HHAT: variants seen among roughly 807,000 people sequenced by gnomAD.
The protein encoded by HHAT is hedgehog acyltransferase, also known as protein-cysteine N-palmitoyltransferase HHAT.
HHAT carries 47 observed loss-of-function variants against 70.8 expected under a neutral mutation model. The ratio of observed to expected loss-of-function variants is 0.66; its 90% confidence interval spans 0.53 to 0.85. The LOEUF (loss-of-function observed/expected upper bound fraction) is 0.85. Among genes scored for constraint, HHAT ranks in the 40% least tolerant of loss-of-function variants. The pLI is 0.00. For synonymous variants in HHAT, 228 were observed against 247.6 expected, an observed-to-expected ratio of 0.92 and a Z score of 0.74; for missense variants, 609 against 604.8, an observed-to-expected ratio of 1.01 and a Z score of -0.07.
chr1:210,458,031 G>A (rs890121180), intron 7 of HHAT, among the ~76,000 whole-genome samples: 2 of 152,280 alleles, frequency 1.3e-5, no homozygotes, highest in East Asian at 1.9e-4. Flanking sequence ...TACTAGAATT[G>A]AAATCATATA....
chr1:210,509,897 C>T (rs2094925688), intron 8 of HHAT, among the ~76,000 whole-genome samples: 1 of 152,148 alleles, frequency 6.6e-6, no homozygotes, highest in Non-Finnish European at 1.5e-5. Context: ...TGCTCTTTGT[C>T]CCACCTCTGG....
intron 8 of HHAT, among the ~76,000 whole-genome samples, chr1:210,508,074 C>T (rs2094891994): frequency 6.6e-6 from 1 of 151,444 alleles, no homozygotes; most frequent in African/African-American, 2.4e-5. Flanking sequence ...TGGCATGCAC[C>T]TGTAATCTCA....
chr1:210,528,158 C>CGA (rs1033132341), intron 9 of HHAT, among the ~76,000 whole-genome samples: 8 of 152,008 alleles, frequency 5.3e-5, no homozygotes, highest in African/African-American at 7.2e-5. Flanking sequence ...CCAGTAATGC[C>CGA]GAGAGAGAGA....
intron 2 of HHAT, among the ~76,000 whole-genome samples, chr1:210,360,442 C>T (rs2088165712): frequency 6.6e-6 from 1 of 152,024 alleles, no homozygotes; most frequent in Non-Finnish European, 1.5e-5. Flanking sequence ...TCCCGAGTAG[C>T]TGGGATTACA....
chr1:210,471,797 G>C (rs1056362494), intron 8 of HHAT, among the ~76,000 whole-genome samples: 1 of 152,222 alleles, frequency 6.6e-6, no homozygotes, highest in Non-Finnish European at 1.5e-5. Flanking sequence ...TTCTGAAAAA[G>C]TAACTGTTTT....
intron 2 of HHAT, among the ~76,000 whole-genome samples, chr1:210,352,911 A>T (rs2087185192): frequency 6.6e-6 from 1 of 151,704 alleles, no homozygotes; most frequent in Non-Finnish European, 1.5e-5. Flanking sequence ...TAGTAGACAT[A>T]AAACTTTTTG....
intron 11 of HHAT, among the ~76,000 whole-genome samples, chr1:210,639,723 G>A (rs1207681765): frequency 6.6e-6 from 1 of 152,162 alleles, no homozygotes; most frequent in Admixed American, 6.5e-5. Flanking sequence ...TGATTTCAAG[G>A]TTGACCTGGT....
At chr1:210,391,881 C>G (rs4844524) in intron 4 of HHAT, among the ~76,000 whole-genome samples, 59,602 of 151,636 alleles carry the variant, frequency 0.39, 12,120 homozygotes, top group Non-Finnish European at 0.44. Context: ...TTTTTTTCCC[C>G]CCTTTACAGA....
chr1:210,419,694 C>CATT (rs1326582039), intron 7 of HHAT, among the ~76,000 whole-genome samples: 7 of 152,180 alleles, frequency 4.6e-5, no homozygotes, highest in Non-Finnish European at 1.0e-4. Context: ...AAGGACGAAA[C>CATT]CTTTAAGATT....
intron 8 of HHAT, among the ~76,000 whole-genome samples, chr1:210,469,879 G>A (rs983609947): frequency 1.3e-5 from 2 of 152,004 alleles, no homozygotes; most frequent in Non-Finnish European, 2.9e-5. Context: ...GAATGTGCAG[G>A]TTTGTTATAT....
chr1:210,397,436 G>C (rs2091850069), intron 4 of HHAT, among the ~76,000 whole-genome samples: 1 of 151,944 alleles, frequency 6.6e-6, no homozygotes, highest in Admixed American at 6.6e-5. Context: ...TTGACGTACA[G>C]TATGTGTGTG....
intron 10 of HHAT, among the ~76,000 whole-genome samples, chr1:210,606,062 T>A (rs1665350406): frequency 6.6e-6 from 1 of 152,140 alleles, no homozygotes; most frequent in Non-Finnish European, 1.5e-5. Flanking sequence ...TTCACTATGT[T>A]GGCCAGGCTG....
chr1:210,368,816 G>A (rs940166697), intron 3 of HHAT, among the ~76,000 whole-genome samples: 3 of 150,478 alleles, frequency 2.0e-5, no homozygotes, highest in Non-Finnish European at 4.4e-5. Context: ...AGTGGCTCAC[G>A]CCTGTAATCC....
intron 3 of HHAT, 89 bp downstream of exon 3, chr1:210,363,008 C>CA: frequency 1.8e-6 from 2 of 1,097,976 alleles, no homozygotes; most frequent in Non-Finnish European, 2.8e-6. Flanking sequence ...ATCCAGGTAT[C>CA]AGATTCAGCA....
At chr1:210,541,093 G>A (rs557340300) in intron 9 of HHAT, among the ~76,000 whole-genome samples, 3 of 152,196 alleles carry the variant, frequency 2.0e-5, no homozygotes, top group Admixed American at 6.5e-5. Context: ...CGCCTGCCTC[G>A]GCCTCTCAAA....
chr1:210,377,727 T>C (rs1270387720), intron 3 of HHAT, among the ~76,000 whole-genome samples: 2 of 152,210 alleles, frequency 1.3e-5, no homozygotes, highest in Non-Finnish European at 2.9e-5. Flanking sequence ...TTCTCTTTTC[T>C]TCTCCCACAA....
intron 9 of HHAT, among the ~76,000 whole-genome samples, chr1:210,569,375 A>C (rs1655636366): frequency 8.7e-6 from 1 of 115,218 alleles, no homozygotes; most frequent in African/African-American, 3.6e-5. Flanking sequence ...GTCTGCCTCA[A>C]AAAAAAAAAA....
chr1:210,397,578 TAAAA>T (rs562945169), intron 4 of HHAT, among the ~76,000 whole-genome samples: 3 of 151,812 alleles, frequency 2.0e-5, no homozygotes, highest in South Asian at 2.1e-4. Context: ...TTTGAAAAGT[TAAAA>T]AAATTCTGGC....
chr1:210,371,427 G>A (rs1267029488), intron 3 of HHAT, among the ~76,000 whole-genome samples: 2 of 152,220 alleles, frequency 1.3e-5, no homozygotes, highest in African/African-American at 4.8e-5. Context: ...TGGGATTACA[G>A]GTGTGAGCCA....
Sources: gnomAD v4.1 joint callset for allele counts (sites outside exome capture counted in the v4.1 genomes callset) on GRCh38, gnomAD v4.1.1 for gene constraint, MANE v1.5 for transcripts, NCBI Gene and HGNC (gene_info 2026-07-23, HGNC 2026-07-21) for gene names.